MAP2: variants seen among roughly 807,000 people sequenced by gnomAD.
The protein encoded by MAP2 is microtubule associated protein 2.
A neutral mutation model predicts 137.6 loss-of-function variants in MAP2; 14 were observed. That is an observed-to-expected ratio of 0.10 (90% CI 0.07 to 0.16). The LOEUF (loss-of-function observed/expected upper bound fraction) is 0.16. Ranked by LOEUF, MAP2 falls within the 10% of genes least tolerant of loss-of-function variation. The pLI is 1.00. For synonymous variants in MAP2, 786 were observed against 782.3 expected (o/e 1.00, Z -0.08); for missense variants, 2,088 against 2,191.5 (o/e 0.95, Z 0.94).
chr2:209,498,180 A>T (rs2059973885), intron 1 of MAP2, among the ~76,000 whole-genome samples: 1 of 152,252 alleles, frequency 6.6e-6, no homozygotes. Context: ...AAAGGGGCTA[A>T]AGGCCCCATG....
At chr2:209,534,684 T>C (rs1388478229) in intron 2 of MAP2, among the ~76,000 whole-genome samples, 1 of 152,208 alleles carries the variant, frequency 6.6e-6, no homozygotes, top group African/African-American at 2.4e-5. Flanking sequence ...TTTATTCACA[T>C]AGAACATAGA....
chr2:209,682,573 G>C (rs1162017166), intron 7 of MAP2, among the ~76,000 whole-genome samples: 1 of 152,134 alleles, frequency 6.6e-6, no homozygotes, highest in Non-Finnish European at 1.5e-5. Context: ...AATTGGATTA[G>C]CATTGAAGAG....
intron 1 of MAP2, among the ~76,000 whole-genome samples, chr2:209,434,933 T>TTATA (rs200057792): frequency 1.1e-4 from 16 of 142,240 alleles, no homozygotes; most frequent in African/African-American, 3.4e-4. Flanking sequence ...TATATATATG[T>TTATA]TATATATATG....
chr2:209,488,037 C>T (rs2058605798), intron 1 of MAP2, among the ~76,000 whole-genome samples: 1 of 152,188 alleles, frequency 6.6e-6, no homozygotes, highest in Non-Finnish European at 1.5e-5. Context: ...CTGCAGCTCT[C>T]AGAGAGACCA....
intron 5 of MAP2, among the ~76,000 whole-genome samples, chr2:209,677,880 C>A (rs1383372973): frequency 6.6e-6 from 1 of 151,920 alleles, no homozygotes; most frequent in African/African-American, 2.4e-5. Flanking sequence ...ATATCATTGC[C>A]ATGTATTTCA....
At chr2:209,511,514 T>C (rs906550671) in intron 2 of MAP2, among the ~76,000 whole-genome samples, 6 of 152,168 alleles carry the variant, frequency 3.9e-5, no homozygotes, top group Non-Finnish European at 7.4e-5. Flanking sequence ...AGCACCCGAG[T>C]TTGAAATTAG....
intron 2 of MAP2, among the ~76,000 whole-genome samples, chr2:209,518,596 T>A (rs878893689): frequency 6.6e-6 from 1 of 152,036 alleles, no homozygotes; most frequent in Non-Finnish European, 1.5e-5. Flanking sequence ...AGTCTTCCAC[T>A]TTTTTTCCCT....
intron 2 of MAP2, among the ~76,000 whole-genome samples, chr2:209,526,551 CGTGA>C (rs564610702): frequency 1.2e-3 from 181 of 148,232 alleles, no homozygotes; most frequent in African/African-American, 4.3e-3. Flanking sequence ...GGGTAAAATA[CGTGA>C]GTATTTGCTT....
intron 5 of MAP2, among the ~76,000 whole-genome samples, chr2:209,660,702 A>AT (rs2043114146): frequency 5.1e-5 from 1 of 19,786 alleles, no homozygotes; most frequent in Non-Finnish European, 1.1e-4. Flanking sequence ...GCCTGCTGCA[A>AT]TTATTATTAT....
chr2:209,581,137 A>C (rs1296584919), intron 3 of MAP2, among the ~76,000 whole-genome samples: 1 of 152,190 alleles, frequency 6.6e-6, no homozygotes, highest in South Asian at 2.1e-4. Flanking sequence ...TATTTGTAGC[A>C]GGTGAAGGAG....
At chr2:209,510,138 A>G (rs534252340) in intron 2 of MAP2, among the ~76,000 whole-genome samples, 5 of 151,386 alleles carry the variant, frequency 3.3e-5, no homozygotes, top group Admixed American at 2.6e-4. Context: ...AAAAATGTGT[A>G]TTGGTTTTTC....
intron 3 of MAP2, among the ~76,000 whole-genome samples, chr2:209,621,708 C>T (rs1172955250): frequency 6.6e-6 from 1 of 152,116 alleles, no homozygotes; most frequent in African/African-American, 2.4e-5. Context: ...TTTAATAAAA[C>T]CTGAGTTCTT....
intron 13 of MAP2, among the ~76,000 whole-genome samples, chr2:209,714,042 A>AC (rs1277283827): frequency 6.6e-6 from 1 of 151,904 alleles, no homozygotes; most frequent in Non-Finnish European, 1.5e-5. Context: ...AAGTACAAAA[A>AC]AAAAAGAAAA....
At chr2:209,493,781 C>A (rs758084402) in intron 1 of MAP2, among the ~76,000 whole-genome samples, 1 of 152,118 alleles carries the variant, frequency 6.6e-6, no homozygotes, top group African/African-American at 2.4e-5. Flanking sequence ...AGTCAGGAAA[C>A]AATAGATGCT....
At chr2:209,514,148 G>A (rs1249429885) in intron 2 of MAP2, among the ~76,000 whole-genome samples, 1 of 151,912 alleles carries the variant, frequency 6.6e-6, no homozygotes, top group Non-Finnish European at 1.5e-5. Flanking sequence ...TGTATCATAT[G>A]TAAATCTAAT....
intron 2 of MAP2, among the ~76,000 whole-genome samples, chr2:209,557,103 TACTC>T (rs1262256852): frequency 1.3e-5 from 2 of 152,238 alleles, no homozygotes; most frequent in African/African-American, 4.8e-5. Context: ...AGTTAAGTAA[TACTC>T]AGTAGGCTCT....
intron 4 of MAP2, among the ~76,000 whole-genome samples, chr2:209,634,273 A>C (rs1220062898): frequency 6.6e-6 from 1 of 152,134 alleles, no homozygotes; most frequent in Non-Finnish European, 1.5e-5. Flanking sequence ...TTTTTTGGAA[A>C]ATCTCATTAT....
chr2:209,469,187 T>G (rs960074315), intron 1 of MAP2, among the ~76,000 whole-genome samples: 1 of 152,194 alleles, frequency 6.6e-6, no homozygotes, highest in Non-Finnish European at 1.5e-5. Context: ...ATCTCTTGAG[T>G]CAGCTTACCA....
intron 1 of MAP2, among the ~76,000 whole-genome samples, chr2:209,434,913 AT>A (rs1695481095): frequency 7.1e-6 from 1 of 141,488 alleles, no homozygotes. Context: ...TATATGTTAT[AT>A]ATATGTTATA....
Sources: gnomAD v4.1 joint callset for allele counts (sites outside exome capture counted in the v4.1 genomes callset) on GRCh38, gnomAD v4.1.1 for gene constraint, MANE v1.5 for transcripts, NCBI Gene and HGNC (gene_info 2026-07-23, HGNC 2026-07-21) for gene names.